ATG7: variants seen among roughly 807,000 people sequenced by gnomAD.
The protein encoded by ATG7 is ubiquitin-like modifier-activating enzyme ATG7.
Under a neutral mutation model 82.4 loss-of-function variants are expected in ATG7, and 70 were observed. The observed-to-expected ratio is 0.85, with a 90% confidence interval of 0.70 to 1.04. The LOEUF is 1.04. ATG7 is among the 50% of genes least tolerant of loss of function. The pLI is 0.00. For synonymous variants in ATG7, 287 were observed against 313.0 expected, an observed-to-expected ratio of 0.92 and a Z score of 0.88; for missense variants, 792 against 864.3, an observed-to-expected ratio of 0.92 and a Z score of 1.05.
At chr3:11,438,207 C>T (rs1460071424) in intron 20 of ATG7, among the ~76,000 whole-genome samples, 1 of 152,184 alleles carries the variant, frequency 6.6e-6, no homozygotes, top group African/African-American at 2.4e-5. Flanking sequence ...GTCACCAGGG[C>T]ATCCTGGTCT....
At position 11,364,713 on chromosome 3, in the gene ATG7, T is replaced by A; in HGVS notation, c.1854T>A (p.Ser618=). ...ATCGGATGAATGAGCCTCCAACCTC[T>A]CTTGGGCTTGTGCCTCACCAGGTTA... ...SDDRMNEPPT[S]LGLVPHQIRG... The change falls in exon 18 of 21, where the codon TCT becomes TCA. Residue 618 remains serine (S), a synonymous_variant. Transcript: ENST00000693202. The A allele has an allele frequency of 1.9e-6, 3 of 1,614,180 alleles. No individual in the cohort carries two copies. The highest frequency in any genetic ancestry group is 2.5e-6 in the Non-Finnish European group (3 of 1,180,014).
the ATG7 span, among the ~76,000 whole-genome samples, chr3:11,569,146 T>C: frequency 3.9e-5 from 6 of 152,200 alleles, no homozygotes; most frequent in Non-Finnish European, 8.8e-5. Flanking sequence ...CTGCGTCTAT[T>C]TGATACTCAT....
intron 20 of ATG7, among the ~76,000 whole-genome samples, chr3:11,530,954 C>T (rs141505235): frequency 0.012 from 1,900 of 152,268 alleles, 44 homozygotes; most frequent in African/African-American, 0.043. Flanking sequence ...GCACTCCAGC[C>T]TGGGTGACAG....
intron 1 of ATG7, among the ~76,000 whole-genome samples, chr3:11,277,891 ACCC>A (rs71626995): frequency 4.9e-5 from 3 of 60,788 alleles, no homozygotes; most frequent in African/African-American, 2.0e-4. Context: ...CCCTTTATAG[ACCC>A]CCCCCCCCCC....
intron 20 of ATG7, among the ~76,000 whole-genome samples, chr3:11,443,786 T>C (rs1010728091): frequency 9.2e-5 from 14 of 152,008 alleles, no homozygotes; most frequent in Non-Finnish European, 1.6e-4. Flanking sequence ...CAAGAAAATT[T>C]CCCCCCCTGC....
intron 19 of ATG7, among the ~76,000 whole-genome samples, chr3:11,425,420 G>A (rs2082283626): frequency 6.6e-6 from 1 of 152,164 alleles, no homozygotes; most frequent in South Asian, 2.1e-4. Context: ...TATAATTACT[G>A]TTCTGGTCTG....
At chr3:11,459,027 C>CACATAGATGGGG (rs2086040513) in intron 20 of ATG7, among the ~76,000 whole-genome samples, 1 of 152,110 alleles carries the variant, frequency 6.6e-6, no homozygotes. Context: ...ATCACCCCCC[C>CACATAGATGGGG]ATCTATGGAA....
intron 20 of ATG7, among the ~76,000 whole-genome samples, chr3:11,531,167 G>A (rs2092687074): frequency 6.6e-6 from 1 of 152,122 alleles, no homozygotes; most frequent in Non-Finnish European, 1.5e-5. Flanking sequence ...TAGGTACAGA[G>A]TCAAGACTAA....
chr3:11,363,190 C>A, intron 17 of ATG7: 1 of 375,598 alleles, frequency 2.7e-6, no homozygotes, highest in Non-Finnish European at 5.0e-6. Flanking sequence ...ATAGGGCTTA[C>A]TTTGTGCTAG....
chr3:11,385,128 CAAG>C (rs1288877955), intron 19 of ATG7, among the ~76,000 whole-genome samples: 2 of 152,180 alleles, frequency 1.3e-5, no homozygotes, highest in African/African-American at 4.8e-5. Context: ...CTCCTGGGTT[CAAG>C]TGATTCTCCT....
At chr3:11,276,339 C>T (rs1941794124) in intron 1 of ATG7, among the ~76,000 whole-genome samples, 1 of 152,190 alleles carries the variant, frequency 6.6e-6, no homozygotes, top group African/African-American at 2.4e-5. Flanking sequence ...GATCCCATCG[C>T]CTCCTTTGCC....
chr3:11,493,472 A>G (rs2090565800), intron 20 of ATG7, among the ~76,000 whole-genome samples: 1 of 152,242 alleles, frequency 6.6e-6, no homozygotes. Flanking sequence ...GCAGGCAAAC[A>G]GGAGAATAGA....
chr3:11,510,281 T>G (rs778123389), intron 20 of ATG7: 2 of 456,636 alleles, frequency 4.4e-6, no homozygotes. Flanking sequence ...AATAGATCTC[T>G]ACCAGCTCTC....
chr3:11,398,058 TG>T (rs112234451), intron 19 of ATG7, among the ~76,000 whole-genome samples: 1,876 of 149,098 alleles, frequency 0.013, 49 homozygotes, highest in African/African-American at 0.043. Flanking sequence ...CACTCCAGCC[TG>T]GGGGACAGAG....
At chr3:11,512,469 T>G (rs1341769567) in intron 20 of ATG7, among the ~76,000 whole-genome samples, 1 of 152,222 alleles carries the variant, frequency 6.6e-6, no homozygotes, top group East Asian at 1.9e-4. Flanking sequence ...AGATTAACTC[T>G]GAAATCAAAT....
intron 11 of ATG7, among the ~76,000 whole-genome samples, chr3:11,336,324 C>A (rs922024541): frequency 6.6e-6 from 1 of 151,984 alleles, no homozygotes; most frequent in African/African-American, 2.4e-5. Context: ...GTGAGTCACA[C>A]GTCCAGCCGA....
At chr3:11,573,323 GAAAGAAAGA>G in the ATG7 span, among the ~76,000 whole-genome samples, 136 of 34,448 alleles carry the variant, frequency 3.9e-3, 6 homozygotes, top group Admixed American at 6.6e-3. Context: ...AAGGAAGAAA[GAAAGAAAGA>G]AAGAAAGAAA....
downstream of ATG7, among the ~76,000 whole-genome samples, chr3:11,561,831 G>A (rs1334921219): frequency 6.6e-6 from 1 of 151,838 alleles, no homozygotes; most frequent in Non-Finnish European, 1.5e-5. Flanking sequence ...CTGCCCCGGG[G>A]GAGAGGGCTC....
intron 20 of ATG7, among the ~76,000 whole-genome samples, chr3:11,511,538 G>C (rs1401545392): frequency 6.6e-6 from 1 of 152,222 alleles, no homozygotes; most frequent in Non-Finnish European, 1.5e-5. Flanking sequence ...GCTTCACCTA[G>C]TGGATCCTGC....
Sources: allele counts gnomAD v4.1 joint callset (sites outside exome capture counted in the v4.1 genomes callset), GRCh38; gene constraint gnomAD v4.1.1; transcripts MANE v1.5; gene names NCBI Gene and HGNC (gene_info 2026-07-23, HGNC 2026-07-21).